Variants in SNW1 observed in about 807,000 individuals in gnomAD.
SNW1 encodes SNW domain containing 1, also known as SNW domain-containing protein 1.
In SNW1, 9 loss-of-function variants were observed where a neutral mutation model predicts 75.6. The observed-to-expected ratio is 0.12, with a 90% CI of 0.07 to 0.21. The LOEUF is 0.21. Ranked by LOEUF, SNW1 falls within the 10% of genes least tolerant of loss-of-function variation. The pLI is 1.00. For missense variants in SNW1, 409 were observed against 670.9 expected, an observed-to-expected ratio of 0.61 and a Z score of 4.31; for synonymous variants, 200 against 219.1, an observed-to-expected ratio of 0.91 and a Z score of 0.77.
chr14:77,760,817 G>A, intron 1 of SNW1: 3 of 718,238 alleles, frequency 4.2e-6, no homozygotes, highest in Non-Finnish European at 7.5e-6. Flanking sequence ...ACCTGAGGGA[G>A]CGCTGTCCGC....
chr14:77,740,684 TTAG>T (rs1312018545), intron 3 of SNW1, among the ~76,000 whole-genome samples: 1 of 152,168 alleles, frequency 6.6e-6, no homozygotes, highest in Non-Finnish European at 1.5e-5. Context: ...TCTGATTGCC[TTAG>T]TAGTAACCCC....
intron 1 of SNW1, among the ~76,000 whole-genome samples, chr14:77,759,505 C>A (rs1374945370): frequency 6.6e-6 from 1 of 151,992 alleles, no homozygotes; most frequent in African/African-American, 2.4e-5. Context: ...GAGTGAGACC[C>A]TATATCAAAA....
At chr14:77,725,333 C>T (rs1356322394) in intron 10 of SNW1, among the ~76,000 whole-genome samples, 3 of 152,210 alleles carry the variant, frequency 2.0e-5, no homozygotes, top group South Asian at 2.1e-4. Context: ...TTCAGCTTGA[C>T]GCAATCCCAT....
At chr14:77,741,808 A>T (rs2080721334) in intron 3 of SNW1, among the ~76,000 whole-genome samples, 1 of 152,188 alleles carries the variant, frequency 6.6e-6, no homozygotes, top group Non-Finnish European at 1.5e-5. Context: ...AGCAACGGTT[A>T]TAAGGAAAGG....
intron 3 of SNW1, among the ~76,000 whole-genome samples, chr14:77,750,960 AC>A (rs1241891140): frequency 2.0e-5 from 3 of 152,224 alleles, no homozygotes; most frequent in African/African-American, 7.2e-5. Context: ...AGAAGAAACT[AC>A]AGGATAAATT....
chr14:77,735,698 A>G (rs1376481729), intron 7 of SNW1, among the ~76,000 whole-genome samples: 1 of 152,184 alleles, frequency 6.6e-6, no homozygotes, highest in African/African-American at 2.4e-5. Context: ...ACATCCTTAA[A>G]CTGAAACAGC....
chr14:77,755,134 T>C lies in SNW1; in HGVS notation c.15-14A>G. On this transcript the variant is annotated splice_polypyrimidine_tract_variant and intron_variant, in intron 1 of 13. Coordinates refer to ENST00000261531, the MANE Select transcript of SNW1 (RefSeq NM_012245.3). ...GCAGGTAAAAAGCTATAAGCAAAGATAATAAAAGTCAGAAATTTAAAAAAC... is the reference window on the plus strand; with the variant it reads ...GCAGGTAAAAAGCTATAAGCAAAGACAATAAAAGTCAGAAATTTAAAAAAC... 6.2e-7 allele frequency: 1 copy of C among 1,604,108 alleles called. No homozygotes were observed. Among genetic ancestry groups the C allele is most frequent in the Non-Finnish European group, 8.5e-7 (1 of 1,177,420 alleles).
At position 77,744,983 on chromosome 14, in the gene SNW1, T is replaced by C. The variant is rs117451762; in HGVS notation, c.331-5922A>G. 3.9e-4 allele frequency among the ~76,000 whole-genome samples: 60 copies of C among 152,350 alleles called. 2 individuals are homozygous for C. In the East Asian group the frequency reaches 6.4e-3, roughly 16 times the overall value. ...TGGCTTCAGAAGTGGTTTTGTGTTA[T>C]ACAATGGAAACCACTATTATTTGCT... is the stretch of plus-strand genomic sequence containing the variant. On this transcript the variant is annotated intron_variant, in intron 3 of 13. Coordinates refer to ENST00000261531, the MANE Select transcript of SNW1 (RefSeq NM_012245.3).
intron 3 of SNW1, among the ~76,000 whole-genome samples, chr14:77,748,099 C>T (rs1002540213): frequency 1.4e-4 from 22 of 152,332 alleles, no homozygotes; most frequent in Non-Finnish European, 2.4e-4. Flanking sequence ...TGCTGTTAAT[C>T]ATAACCTTAC....
chr14:77,731,158 A>T (rs2080624094), intron 9 of SNW1, 29 bp from the exon 10 acceptor site: 5 of 1,609,786 alleles, frequency 3.1e-6, no homozygotes. Context: ...GTTAAACAGG[A>T]CACTATCATG....
At chr14:77,729,037 A>G (rs1361608979) in intron 10 of SNW1, among the ~76,000 whole-genome samples, 2 of 152,290 alleles carry the variant, frequency 1.3e-5, no homozygotes, top group South Asian at 2.1e-4. Flanking sequence ...GCAGGTATTT[A>G]TATCTCACCT....
At chr14:77,760,718 G>C (rs558243302) in intron 1 of SNW1, 2 of 702,424 alleles carry the variant, frequency 2.8e-6, no homozygotes, top group East Asian at 2.7e-5. Flanking sequence ...CAAACGGCCG[G>C]AAAGCCGCGC....
intron 10 of SNW1, among the ~76,000 whole-genome samples, chr14:77,725,378 A>G (rs142150208): frequency 1.0e-3 from 159 of 152,266 alleles, no homozygotes; most frequent in African/African-American, 3.7e-3. Flanking sequence ...TGTGCTTTTG[A>G]GATTTTACCC....
At chr14:77,759,710 T>G (rs2080870650) in intron 1 of SNW1, among the ~76,000 whole-genome samples, 1 of 152,154 alleles carries the variant, frequency 6.6e-6, no homozygotes, top group African/African-American at 2.4e-5. Context: ...GCATGGTAGC[T>G]CATGCCTGCA....
chr14:77,728,503 CATA>C (rs1265688965), intron 10 of SNW1, among the ~76,000 whole-genome samples: 2 of 152,114 alleles, frequency 1.3e-5, no homozygotes, highest in Admixed American at 6.6e-5. Context: ...AGGAATTATG[CATA>C]ATGTTTCCCT....
At position 77,751,373 on chromosome 14, in the gene SNW1, A is replaced by G. The variant is rs1349218664; in HGVS notation, c.276T>C (p.Ser92=). ...TTGCATCATATTTAATTTTTCCTTC[A>G]GAATCCACCTGAATGGCCAGCGCAT... ...MSNALAIQVD[S]EGKIKYDAIA... Residue 92 remains serine, a synonymous_variant, in exon 3 of 14, where the codon TCT becomes TCC. Coordinates refer to ENST00000261531, the MANE Select transcript of SNW1 (RefSeq NM_012245.3). 1 of 1,613,860 alleles carries G rather than the reference A, an allele frequency of 6.2e-7. No homozygotes were observed. The highest frequency in any genetic ancestry group is 8.5e-7 in the Non-Finnish European group (1 of 1,179,884).
intron 9 of SNW1, 21 bp from the exon 10 acceptor site, chr14:77,731,150 T>A: frequency 6.2e-7 from 1 of 1,612,010 alleles, no homozygotes; most frequent in South Asian, 1.1e-5. Context: ...AGTCACATGT[T>A]AAACAGGACA....
At chr14:77,722,610 C>T (rs1325826429) in intron 11 of SNW1, 2 of 392,160 alleles carry the variant, frequency 5.1e-6, no homozygotes, top group African/African-American at 2.1e-5. Flanking sequence ...ATCTCGATTC[C>T]GTTTTCTATA....
At chr14:77,757,110 C>T (rs2080847162) in intron 1 of SNW1, among the ~76,000 whole-genome samples, 1 of 152,146 alleles carries the variant, frequency 6.6e-6, no homozygotes, top group African/African-American at 2.4e-5. Context: ...AGTAAGCATA[C>T]CTAAGTAGCA....
Sources: gnomAD v4.1 joint callset for allele counts (sites outside exome capture counted in the v4.1 genomes callset) on GRCh38, gnomAD v4.1.1 for gene constraint, MANE v1.5 for transcripts, NCBI Gene and HGNC (gene_info 2026-07-23, HGNC 2026-07-21) for gene names.